XKR4: variants seen among roughly 807,000 people sequenced by gnomAD.
XKR4 encodes the protein XK related 4, also known as XK-related protein 4.
Under a neutral mutation model 53.9 loss-of-function variants are expected in XKR4, and 12 were observed. The observed-to-expected ratio is 0.22, with a 90% CI of 0.14 to 0.36. The LOEUF is 0.36. Ranked by LOEUF, XKR4 falls within the 10% of genes least tolerant of loss-of-function variation. XKR4 has a pLI of 1.00. For synonymous variants in XKR4, 354 were observed against 362.4 expected, an observed-to-expected ratio of 0.98 and a Z score of 0.26; for missense variants, 799 against 859.5, an observed-to-expected ratio of 0.93 and a Z score of 0.88.
chr8:55,468,400 A>C (rs1480550666), intron 2 of XKR4, among the ~76,000 whole-genome samples: 1 of 152,080 alleles, frequency 6.6e-6, no homozygotes, highest in Admixed American at 6.6e-5. Context: ...TAGAGTATTT[A>C]GTTTTAATCT....
rs114076807 is a variant in XKR4 at position 55,451,336 on chromosome 8, C to T, written c.1007-71945C>T. On this transcript the variant is annotated intron_variant, in intron 2 of 2. Coordinates refer to ENST00000327381, the MANE Select transcript of XKR4 (RefSeq NM_052898.2). ...CATGGGGTTAGACAGAGTGGTGACCCTGGCTCTGGGGCTGCCAATGTGACT... is the reference window on the plus strand; with the variant it reads ...CATGGGGTTAGACAGAGTGGTGACCTTGGCTCTGGGGCTGCCAATGTGACT... The T allele has an allele frequency of 1.9e-3, 1,217 of 635,302 alleles. 10 individuals carry two copies. Among genetic ancestry groups the T allele is most frequent in the African/African-American group, 0.019 (1,051 of 54,902 alleles). The allele number at this position is 635,302 out of a possible 1,614,324, so 39.4% of individuals were successfully genotyped here.
At chr8:55,406,502 G>A (rs1804685420) in intron 2 of XKR4, among the ~76,000 whole-genome samples, 1 of 152,088 alleles carries the variant, frequency 6.6e-6, no homozygotes, top group Non-Finnish European at 1.5e-5. Context: ...ATATATACAT[G>A]CAACTGCCAG....
chr8:55,415,589 C>T (rs914211121), intron 2 of XKR4, among the ~76,000 whole-genome samples: 3 of 152,134 alleles, frequency 2.0e-5, no homozygotes, highest in African/African-American at 7.2e-5. Flanking sequence ...GCAGGAAACC[C>T]ATGTCTCCTT....
chr8:55,302,178 T>C (rs1411132181), intron 1 of XKR4, among the ~76,000 whole-genome samples: 2 of 152,158 alleles, frequency 1.3e-5, no homozygotes, highest in Non-Finnish European at 2.9e-5. Flanking sequence ...TTGTATAAGG[T>C]GTAAGGAAGG....
chr8:55,528,499 A>G lies in XKR4; in HGVS notation c.*4272A>G, dbSNP rs2055730656. ...TTCTAATGAACCATTTTCTAGACTAAATATATGCTCCCTTGCATTTTCCAC... is the reference window on the plus strand; with the variant it reads ...TTCTAATGAACCATTTTCTAGACTAGATATATGCTCCCTTGCATTTTCCAC... On this transcript the variant is annotated 3_prime_UTR_variant, in exon 3 of 3. Transcript: ENST00000327381. The G allele has an allele frequency of 6.6e-6, 1 of 152,244 alleles. No individual in the cohort carries two copies. The highest frequency in any genetic ancestry group is 1.5e-5 in the Non-Finnish European group (1 of 68,042). 9.4% of individuals were successfully genotyped at this position (152,244 alleles called of 1,614,324 possible).
chr8:55,337,591 A>G (rs1235710480), intron 1 of XKR4, among the ~76,000 whole-genome samples: 1 of 152,214 alleles, frequency 6.6e-6, no homozygotes, highest in Non-Finnish European at 1.5e-5. Context: ...GGTGGAGGAA[A>G]GACAGAGGCC....
chr8:55,411,580 C>G (rs1464447892), intron 2 of XKR4, among the ~76,000 whole-genome samples: 2 of 152,234 alleles, frequency 1.3e-5, no homozygotes, highest in East Asian at 3.8e-4. Flanking sequence ...ACTTGCCTAA[C>G]CCTGATTCCC....
chr8:55,317,970 T>G (rs1435562714), intron 1 of XKR4, among the ~76,000 whole-genome samples: 1 of 152,198 alleles, frequency 6.6e-6, no homozygotes, highest in African/African-American at 2.4e-5. Flanking sequence ...AGCCAGGTCA[T>G]GAAATGGTAG....
At chr8:55,342,528 C>T (rs1312008768) in intron 1 of XKR4, among the ~76,000 whole-genome samples, 3 of 152,164 alleles carry the variant, frequency 2.0e-5, no homozygotes, top group African/African-American at 2.4e-5. Context: ...GTGATCAGAC[C>T]GTCCCACTGC....
At chr8:55,167,282 C>T (rs574380806) in intron 1 of XKR4, among the ~76,000 whole-genome samples, 2 of 152,344 alleles carry the variant, frequency 1.3e-5, no homozygotes, top group East Asian at 3.9e-4. Flanking sequence ...GTTTGTCACA[C>T]TTCTTTCATG....
chr8:55,382,543 G>A (rs1261195170), intron 2 of XKR4, among the ~76,000 whole-genome samples: 1 of 152,156 alleles, frequency 6.6e-6, no homozygotes, highest in Non-Finnish European at 1.5e-5. Flanking sequence ...ACTAAAGGAA[G>A]GAGAAAGGGA....
intron 1 of XKR4, among the ~76,000 whole-genome samples, chr8:55,127,464 G>C (rs11783322): frequency 0.57 from 85,701 of 151,368 alleles, 24,821 homozygotes; most frequent in South Asian, 0.72. Context: ...TGTTGGCCAG[G>C]CTGGTCTCAA....
chr8:55,318,634 C>A (rs530392563), intron 1 of XKR4, among the ~76,000 whole-genome samples: 1 of 152,260 alleles, frequency 6.6e-6, no homozygotes, highest in East Asian at 1.9e-4. Context: ...TCATTGAGAA[C>A]CTACTACCCT....
intron 2 of XKR4, among the ~76,000 whole-genome samples, chr8:55,472,071 A>G (rs1211489341): frequency 1.3e-5 from 2 of 152,184 alleles, no homozygotes; most frequent in Admixed American, 6.6e-5. Context: ...AGATGTTCAG[A>G]GGGAAATGAT....
At chr8:55,203,232 C>A (rs577290054) in intron 1 of XKR4, among the ~76,000 whole-genome samples, 1 of 152,218 alleles carries the variant, frequency 6.6e-6, no homozygotes, top group African/African-American at 2.4e-5. Context: ...TGCACTATTG[C>A]GCCTGCCATG....
At chr8:55,233,281 G>C (rs1818070305) in intron 1 of XKR4, among the ~76,000 whole-genome samples, 1 of 152,162 alleles carries the variant, frequency 6.6e-6, no homozygotes, top group Non-Finnish European at 1.5e-5. Flanking sequence ...TTTCTACAAT[G>C]AATAAAATTT....
At chr8:55,337,859 G>A (rs1194863318) in intron 1 of XKR4, among the ~76,000 whole-genome samples, 3 of 152,140 alleles carry the variant, frequency 2.0e-5, no homozygotes, top group Non-Finnish European at 4.4e-5. Flanking sequence ...ATTCTTGACA[G>A]GAAAGGCAGA....
chr8:55,413,971 A>C (rs750429543), intron 2 of XKR4, among the ~76,000 whole-genome samples: 1 of 152,218 alleles, frequency 6.6e-6, no homozygotes, highest in East Asian at 1.9e-4. Flanking sequence ...ATATGTACCC[A>C]TTGTTACATA....
At chr8:55,468,431 G>A (rs1342983092) in intron 2 of XKR4, among the ~76,000 whole-genome samples, 1 of 151,950 alleles carries the variant, frequency 6.6e-6, no homozygotes, top group Non-Finnish European at 1.5e-5. Flanking sequence ...CCCCATCTCT[G>A]AGCACTATTT....
Sources: allele counts gnomAD v4.1 joint callset (sites outside exome capture counted in the v4.1 genomes callset), GRCh38; gene constraint gnomAD v4.1.1; transcripts MANE v1.5; gene names NCBI Gene and HGNC (gene_info 2026-07-23, HGNC 2026-07-21).